The following PCDH15 variants were observed in gnomAD, a reference collection of about 807,000 sequenced individuals.
PCDH15 encodes protocadherin-15.
A neutral mutation model predicts 178.5 loss-of-function variants in PCDH15; 129 were observed. That is an observed-to-expected ratio of 0.72 (90% CI 0.63 to 0.84). The LOEUF (loss-of-function observed/expected upper bound fraction) is 0.84, where lower values mean the gene tolerates loss of function less well. PCDH15 is among the 40% of genes least tolerant of loss of function. The pLI, the probability that PCDH15 is intolerant of heterozygous loss-of-function variation, is 0.00. For missense variants in PCDH15, 2,230 were observed against 2,099.9 expected, an observed-to-expected ratio of 1.06 and a Z score of -1.21; for synonymous variants, 800 against 732.0, an observed-to-expected ratio of 1.09 and a Z score of -1.50.
chr10:54,562,775 CTCTT>C (rs142062995), intron 2 of PCDH15, among the ~76,000 whole-genome samples: 1,984 of 152,100 alleles, frequency 0.013, 39 homozygotes, highest in African/African-American at 0.045. Context: ...TATATTATAA[CTCTT>C]TATATATAGC....
At position 55,291,272 on chromosome 10, in the gene PCDH15, C is replaced by G. The variant is rs371841111; in HGVS notation, c.-156+28327G>C. 3.3e-5 allele frequency among the ~76,000 whole-genome samples: 5 copies of G among 152,264 alleles called. No homozygotes were observed. The East Asian group carries it at 7.7e-4, about 24-fold the overall frequency. ...AACACAAGACAACACATACTTAAAA[C>G]TTAATACAATGACAACCAAACATTT... On this transcript the variant is annotated intron_variant, in intron 1 of 5. Coordinates refer to the PCDH15 transcript ENST00000458638.
At chr10:54,188,906 A>G (rs562890871) in intron 11 of PCDH15, among the ~76,000 whole-genome samples, 4 of 152,106 alleles carry the variant, frequency 2.6e-5, no homozygotes, top group African/African-American at 9.6e-5. Flanking sequence ...ATGACAAAGC[A>G]TAAGAGAAAA....
At chr10:54,738,847 A>G (rs1043417043) in intron 1 of PCDH15, among the ~76,000 whole-genome samples, 2 of 152,114 alleles carry the variant, frequency 1.3e-5, no homozygotes, top group African/African-American at 4.8e-5. Context: ...CTTTAAAAAA[A>G]AATTTCCTTT....
intron 1 of PCDH15, among the ~76,000 whole-genome samples, chr10:54,684,998 T>TC (rs2094968877): frequency 6.6e-6 from 1 of 151,876 alleles, no homozygotes; most frequent in African/African-American, 2.4e-5. Flanking sequence ...TCTTTCTTTA[T>TC]ATTTTTATTC....
chr10:55,280,536 C>A (rs1342392912), intron 1 of PCDH15, among the ~76,000 whole-genome samples: 2 of 149,846 alleles, frequency 1.3e-5, no homozygotes, highest in African/African-American at 4.9e-5. Context: ...TGATCCACCC[C>A]CCTCGGCCTC....
intron 21 of PCDH15, among the ~76,000 whole-genome samples, chr10:53,963,679 T>C (rs2088620532): frequency 6.6e-6 from 1 of 152,182 alleles, no homozygotes; most frequent in Admixed American, 6.5e-5. Flanking sequence ...TCTTCTACTA[T>C]AGATAATGGC....
At chr10:55,129,695 T>A (rs1223350825) in intron 2 of PCDH15, among the ~76,000 whole-genome samples, 1 of 152,166 alleles carries the variant, frequency 6.6e-6, no homozygotes, top group East Asian at 1.9e-4. Context: ...AATGGTACTC[T>A]GGTTGATTTT....
In PCDH15 at chr10:54,607,973, A is replaced by C. The variant is rs202183469; in HGVS notation, c.91+56199T>G. On this transcript the variant is annotated intron_variant, in intron 2 of 37. Coordinates refer to ENST00000644397, the MANE Select transcript of PCDH15 (RefSeq NM_001384140.1). Reference sequence around the variant, plus strand: ...CCAACCTAATACTTCCGCACTTTGGAAAGGCTTTGCCTACATCATTTTGGT... The same window carrying C: ...CCAACCTAATACTTCCGCACTTTGGCAAGGCTTTGCCTACATCATTTTGGT... 2.3e-4 allele frequency: 114 copies of C among 499,804 alleles called. 1 individual carries two copies. The highest frequency in any genetic ancestry group is 3.2e-4 in the Middle Eastern group (1 of 3,106). 31.0% of individuals were successfully genotyped at this position (499,804 alleles called of 1,614,324 possible).
At position 54,690,082 on chromosome 10, in the gene PCDH15, T is replaced by G. The variant is rs2095090593; in HGVS notation, c.-28-25792A>C. On this transcript the variant is annotated intron_variant, in intron 1 of 37. Coordinates refer to ENST00000644397, the MANE Select transcript of PCDH15 (RefSeq NM_001384140.1). ...TTAATAATGGACCACATATATGAGGTGATCCCTTAAGATTGGAATGGAGCT... is the reference window on the plus strand; with the variant it reads ...TTAATAATGGACCACATATATGAGGGGATCCCTTAAGATTGGAATGGAGCT... 2.6e-5 allele frequency among the ~76,000 whole-genome samples: 4 copies of G among 152,126 alleles called. No individual in the cohort carries two copies. The South Asian group carries it at 8.3e-4, about 32-fold the overall frequency.
intron 1 of PCDH15, among the ~76,000 whole-genome samples, chr10:55,265,404 T>G (rs1433496257): frequency 2.6e-5 from 4 of 151,574 alleles, no homozygotes; most frequent in African/African-American, 9.7e-5. Context: ...ACCCAAATAT[T>G]TGAAATCTCC....
chr10:54,698,638 C>T (rs376464963), intron 1 of PCDH15, among the ~76,000 whole-genome samples: 1 of 152,222 alleles, frequency 6.6e-6, no homozygotes, highest in South Asian at 2.1e-4. Context: ...AATTACTTAA[C>T]CTTTTTAATT....
At chr10:54,042,341 A>G (rs1333480442) in intron 18 of PCDH15, among the ~76,000 whole-genome samples, 1 of 152,106 alleles carries the variant, frequency 6.6e-6, no homozygotes. Context: ...AGACAACCTA[A>G]ATAGGAATAT....
intron 2 of PCDH15, among the ~76,000 whole-genome samples, chr10:55,159,614 A>AATAT: frequency 6.8e-6 from 1 of 147,986 alleles, no homozygotes; most frequent in Middle Eastern, 3.3e-3. Context: ...TGTGTAAATA[A>AATAT]ATATATATAT....
At chr10:54,568,682 T>C (rs2133515682) in intron 2 of PCDH15, 1 of 152,284 alleles carries the variant, frequency 6.6e-6, no homozygotes, top group African/African-American at 2.4e-5. Flanking sequence ...ACAGGTAGCC[T>C]GATTTATTTC....
chr10:54,510,725 T>C (rs2081574299), intron 3 of PCDH15, among the ~76,000 whole-genome samples: 1 of 152,200 alleles, frequency 6.6e-6, no homozygotes, highest in African/African-American at 2.4e-5. Context: ...GCTATGACCA[T>C]GTGACCAATT....
chr10:54,851,894 A>C (rs1190333185), intron 3 of PCDH15, among the ~76,000 whole-genome samples: 1 of 152,122 alleles, frequency 6.6e-6, no homozygotes, highest in Non-Finnish European at 1.5e-5. Context: ...TTTAATACAA[A>C]TTTTGGTAAT....
intron 23 of PCDH15, among the ~76,000 whole-genome samples, chr10:53,953,548 CAGTTCACAGGATTTGAAAAAA>C (rs1410799183): frequency 6.6e-6 from 1 of 151,804 alleles, no homozygotes; most frequent in East Asian, 1.9e-4. Context: ...GAAATAACAT[CAGTTCACAGGATTTGAAAAAA>C]AAAATCAAAT....
chr10:54,596,364 A>T (rs773256560), intron 2 of PCDH15, among the ~76,000 whole-genome samples: 8 of 152,188 alleles, frequency 5.3e-5, no homozygotes, highest in Non-Finnish European at 1.0e-4. Flanking sequence ...GGCTAAACAA[A>T]GCTTCCTAAG....
At chr10:55,258,283 C>T (rs1441886201) in intron 1 of PCDH15, among the ~76,000 whole-genome samples, 2 of 151,972 alleles carry the variant, frequency 1.3e-5, no homozygotes, top group Admixed American at 1.3e-4. Flanking sequence ...TTTGAATGAC[C>T]CAGGCATGAG....
Sources: gnomAD v4.1 joint callset for allele counts (sites outside exome capture counted in the v4.1 genomes callset) on GRCh38, gnomAD v4.1.1 for gene constraint, MANE v1.5 for transcripts, NCBI Gene and HGNC (gene_info 2026-07-23, HGNC 2026-07-21) for gene names.